Variants in TMPRSS9 observed in about 807,000 individuals in gnomAD.
The protein encoded by TMPRSS9 is transmembrane serine protease 9.
In TMPRSS9, 113 loss-of-function variants were observed where a neutral mutation model predicts 111.4. The ratio of observed to expected loss-of-function variants is 1.01; its 90% CI spans 0.87 to 1.19. The LOEUF (loss-of-function observed/expected upper bound fraction) is 1.19, where lower values mean the gene tolerates loss of function less well. Among genes scored for constraint, TMPRSS9 ranks in the 50% most tolerant of loss-of-function variants. The probability of loss-of-function intolerance (pLI) is 0.00; values close to 1 mark genes in which losing one functional copy is unlikely to be tolerated. For synonymous variants in TMPRSS9, 805 were observed against 659.1 expected (o/e 1.22, Z -3.39); for missense variants, 1,803 against 1,513.1 (o/e 1.19, Z -3.18).
intron 1 of TMPRSS9, among the ~76,000 whole-genome samples, chr19:2,363,524 C>G (rs1238224645): frequency 6.6e-6 from 1 of 150,878 alleles, no homozygotes; most frequent in Non-Finnish European, 1.5e-5. Context: ...GGTGGGGGGA[C>G]AGGCGAGAGT....
At chr19:2,361,172 G>GGGAGGC (rs1970193022) in intron 1 of TMPRSS9, among the ~76,000 whole-genome samples, 2 of 84,376 alleles carry the variant, frequency 2.4e-5, no homozygotes, top group Non-Finnish European at 2.6e-5. Context: ...AGTCTGGGGT[G>GGGAGGC]TGGTGCGGGG....
At position 2,425,786 on chromosome 19, in the gene TMPRSS9, T is replaced by C. The variant is rs541162706; in HGVS notation, c.3121-141T>C. 11 of 1,303,348 alleles carry C rather than the reference T, an allele frequency of 8.4e-6. No individual in the cohort carries two copies. The African/African-American group carries it at 1.7e-4, about 20-fold the overall frequency. 80.7% of individuals were successfully genotyped at this position (1,303,348 alleles called of 1,614,324 possible). A position where few individuals can be genotyped will look rare whatever the true frequency, so the allele number is the denominator to read the frequency against. ...GGTGTCCATAAATGTCTGCCACCTT[T>C]GCATTGAGCCCATTTTCCAGATAGT... On this transcript the variant is annotated intron_variant, in intron 17 of 17. Transcript: ENST00000648592.
At chr19:2,390,235 T>G (rs1018253569) in intron 1 of TMPRSS9, among the ~76,000 whole-genome samples, 3 of 129,038 alleles carry the variant, frequency 2.3e-5, no homozygotes, top group East Asian at 2.0e-4. Context: ...AAAGTAGTTT[T>G]TTTTTTTGTT....
chr19:2,413,160 A>C (rs752478391), intron 9 of TMPRSS9, among the ~76,000 whole-genome samples: 56 of 152,106 alleles, frequency 3.7e-4, no homozygotes, highest in Non-Finnish European at 6.8e-4. Context: ...ACGCCATTGC[A>C]CTCCAGCCTG....
intron 1 of TMPRSS9, among the ~76,000 whole-genome samples, chr19:2,375,060 C>T (rs1220433218): frequency 1.3e-5 from 2 of 152,158 alleles, no homozygotes; most frequent in Non-Finnish European, 2.9e-5. Context: ...GAGACTCCTG[C>T]CTCCAACTCT....
intron 17 of TMPRSS9, 153 bp from the exon 19 acceptor site, chr19:2,425,774 G>A (rs1372039285): frequency 3.2e-6 from 4 of 1,256,630 alleles, no homozygotes; most frequent in South Asian, 3.2e-5. Context: ...GTCCATAAAT[G>A]TCTGCCACCT....
At chr19:2,422,034 C>A (rs1372469832) in exon 14 of TMPRSS9, 3 of 1,612,766 alleles carry the variant, frequency 1.9e-6, no homozygotes, top group East Asian at 2.2e-5. Context: ...CATGTCTCCC[C>A]CCTCGACCAC....
At chr19:2,403,092 A>C in exon 6 of TMPRSS9, 2 of 1,610,222 alleles carry the variant, frequency 1.2e-6, no homozygotes, top group Non-Finnish European at 1.7e-6. Context: ...GCCGCTGTCC[A>C]GGGAACTCCT....
At chr19:2,388,621 T>C (rs143874182), upstream of TMPRSS9, among the ~76,000 whole-genome samples, 550 of 152,178 alleles carry the variant, frequency 3.6e-3, 7 homozygotes, top group African/African-American at 0.012. Context: ...CAATCAGTAT[T>C]CCATTTTTAA....
At chr19:2,365,417 G>T (rs1970240292) in intron 1 of TMPRSS9, among the ~76,000 whole-genome samples, 1 of 152,092 alleles carries the variant, frequency 6.6e-6, no homozygotes. Context: ...GGGCGATGGA[G>T]GAGGGGAGGA....
chr19:2,408,211 T>A, intron 7 of TMPRSS9, 145 bp from the exon 9 acceptor site: 1 of 818,720 alleles, frequency 1.2e-6, no homozygotes. Context: ...AGCCACTGTG[T>A]CTGGCCTGAT....
chr19:2,397,143 A>T (rs938488638), intron 2 of TMPRSS9, among the ~76,000 whole-genome samples: 2 of 149,672 alleles, frequency 1.3e-5, no homozygotes, highest in South Asian at 2.1e-4. Flanking sequence ...ATGGTCTTGA[A>T]CTCCTGACCT....
intron 2 of TMPRSS9, 86 bp from the exon 4 acceptor site, chr19:2,398,709 C>T (rs1356593323): frequency 5.4e-6 from 5 of 919,260 alleles, no homozygotes; most frequent in Non-Finnish European, 7.6e-6. Context: ...CCTTCTCCAG[C>T]TCCCTCCAAC....
chr19:2,425,200 G>T, exon 16 of TMPRSS9: 1 of 1,514,732 alleles, frequency 6.6e-7, no homozygotes, highest in Non-Finnish European at 8.8e-7. Flanking sequence ...GCCTGCCCGA[G>T]CCCGCGCCGC....
At chr19:2,413,824 G>C (rs367638035) in exon 10 of TMPRSS9, 2 of 1,613,650 alleles carry the variant, frequency 1.2e-6, no homozygotes, top group African/African-American at 2.7e-5. Context: ...CGAGTCACCA[G>C]GCTACGTGAC....
intron 12 of TMPRSS9, 122 bp downstream of exon 13, chr19:2,416,931 G>GCA: frequency 7.8e-7 from 1 of 1,284,462 alleles, no homozygotes; most frequent in Non-Finnish European, 1.0e-6. Context: ...GGACCTCTGT[G>GCA]GCTGATCCCT....
intron 7 of TMPRSS9, among the ~76,000 whole-genome samples, chr19:2,406,111 C>T (rs1346733045): frequency 3.4e-5 from 5 of 145,578 alleles, no homozygotes; most frequent in African/African-American, 1.0e-4. Context: ...CCCGGGTTCA[C>T]GCCATTCTCC....
At chr19:2,379,545 G>A (rs1273841106) in intron 1 of TMPRSS9, among the ~76,000 whole-genome samples, 1 of 151,880 alleles carries the variant, frequency 6.6e-6, no homozygotes, top group African/African-American at 2.4e-5. Context: ...GGGCCTTCCT[G>A]CCTCACCTCT....
intron 1 of TMPRSS9, among the ~76,000 whole-genome samples, chr19:2,379,181 C>CT (rs919990556): frequency 0.073 from 7,292 of 99,246 alleles, 648 homozygotes; most frequent in African/African-American, 0.2. Flanking sequence ...GCTTCTTTCT[C>CT]TTTTTTTTTT....
Sources: allele counts gnomAD v4.1 joint callset (sites outside exome capture counted in the v4.1 genomes callset), GRCh38; gene constraint gnomAD v4.1.1; transcripts MANE v1.5; gene names NCBI Gene and HGNC (gene_info 2026-07-23, HGNC 2026-07-21).